The following TPO variants were observed in gnomAD, a reference collection of about 807,000 sequenced individuals.
The protein encoded by TPO is thyroid microsomal antigen.
A neutral mutation model predicts 96.9 loss-of-function variants in TPO; 78 were observed. The observed-to-expected ratio is 0.81, with a 90% CI of 0.67 to 0.97. The LOEUF (loss-of-function observed/expected upper bound fraction) is 0.97, where lower values mean the gene tolerates loss of function less well. TPO is among the 50% of genes least tolerant of loss of function. TPO has a pLI of 0.00. For synonymous variants in TPO, 547 were observed against 538.0 expected (o/e 1.02, Z -0.23); for missense variants, 1,252 against 1,274.8 (o/e 0.98, Z 0.27).
chr2:1,481,910 G>A (rs1670680776), intron 8 of TPO, among the ~76,000 whole-genome samples: 1 of 152,134 alleles, frequency 6.6e-6, no homozygotes, highest in African/African-American at 2.4e-5. Context: ...CCTCAAGGCT[G>A]GACCAAGCCC....
chr2:1,542,769 AT>A lies in TPO; in HGVS notation c.*296del. 1.4e-6 allele frequency: 1 copy of A among 726,216 alleles called. No individual in the cohort carries two copies. The highest frequency in any genetic ancestry group is 2.1e-6 in the Non-Finnish European group (1 of 468,496). 45.0% of individuals were successfully genotyped at this position (726,216 alleles called of 1,614,324 possible). Reference sequence around the variant, plus strand: ...GAACCCTGGAAACACCACTCTTGCAATCCTCCTGTCTCCACCTTCTGGCATC... The same window carrying A: ...GAACCCTGGAAACACCACTCTTGCAACCTCCTGTCTCCACCTTCTGGCATC... On this transcript the variant is annotated 3_prime_UTR_variant, in exon 17 of 17. Transcript: ENST00000329066.
At chr2:1,451,445 A>G (rs755148699) in intron 5 of TPO, among the ~76,000 whole-genome samples, 36 of 152,210 alleles carry the variant, frequency 2.4e-4, no homozygotes, top group Non-Finnish European at 2.4e-4. Flanking sequence ...AAAGTTATTT[A>G]TCTTGTCACG....
chr2:1,442,345 C>A (rs1283596462), intron 5 of TPO, among the ~76,000 whole-genome samples: 1 of 151,954 alleles, frequency 6.6e-6, no homozygotes, highest in Non-Finnish European at 1.5e-5. Context: ...GATCTGTGTG[C>A]CACAACAGCC....
At chr2:1,541,302 C>T (rs1041129694) in intron 16 of TPO, 13 of 549,090 alleles carry the variant, frequency 2.4e-5, no homozygotes, top group South Asian at 1.7e-4. Context: ...GTCTGCTGCA[C>T]GGCATGGGGC....
chr2:1,503,676 CA>C (rs1290175500), intron 13 of TPO: 6 of 641,104 alleles, frequency 9.4e-6, no homozygotes, highest in Admixed American at 2.2e-5. Flanking sequence ...TGATTTCCTC[CA>C]GGAAGTCTCC....
At chr2:1,531,166 C>T (rs1184688623) in intron 15 of TPO, among the ~76,000 whole-genome samples, 5 of 122,300 alleles carry the variant, frequency 4.1e-5, no homozygotes, top group African/African-American at 6.7e-5. Flanking sequence ...CCCCAAATCC[C>T]CCCCACTGTG....
intron 1 of TPO, among the ~76,000 whole-genome samples, chr2:1,394,717 C>T (rs1409447285): frequency 1.3e-5 from 2 of 152,182 alleles, no homozygotes; most frequent in African/African-American, 4.8e-5. Context: ...GAGAGTCCTG[C>T]CTGGTCTAAT....
At chr2:1,466,714 T>A (rs978827899) in intron 7 of TPO, among the ~76,000 whole-genome samples, 23 of 152,202 alleles carry the variant, frequency 1.5e-4, no homozygotes, top group African/African-American at 5.1e-4. Context: ...ATTTCAGTGG[T>A]GTCAGTTGTA....
chr2:1,445,971 G>C (rs1412445428), intron 5 of TPO, among the ~76,000 whole-genome samples: 1 of 152,208 alleles, frequency 6.6e-6, no homozygotes, highest in African/African-American at 2.4e-5. Context: ...TACCATGTTG[G>C]ATAAGTGGCA....
Position 1,480,738 on chromosome 2 carries a change from T to TCTCCTGCTGCATCCGTCCACACCACCTTC in TPO, c.1338+3161_1338+3162insTCCTCCTGCTGCATCCGTCCACACCACCT, listed in dbSNP as rs1558338740. 4.1e-3 allele frequency among the ~76,000 whole-genome samples: 230 copies of TCTCCTGCTGCATCCGTCCACACCACCTTC among 56,330 alleles called. 1 individual carries two copies. The highest frequency in any genetic ancestry group is 7.7e-3 in the Admixed American group (37 of 4,814). 37.0% of individuals were successfully genotyped at this position (56,330 alleles called of 152,430 possible). On this transcript the variant is annotated intron_variant, in intron 8 of 16. Transcript: ENST00000329066. ...CTCCTTCATCCGTCCAAACCATGTT[T>TCTCCTGCTGCATCCGTCCACACCACCTTC]CTCCTGCTGCATCCGTCCACACCAC...
At chr2:1,386,035 C>T (rs559878395) in intron 1 of TPO, among the ~76,000 whole-genome samples, 3 of 152,280 alleles carry the variant, frequency 2.0e-5, no homozygotes, top group Admixed American at 6.5e-5. Flanking sequence ...GAGTGAGTTT[C>T]TTAATCCTGA....
intron 15 of TPO, among the ~76,000 whole-genome samples, chr2:1,528,434 C>A (rs1410110803): frequency 2.1e-5 from 3 of 143,338 alleles, no homozygotes; most frequent in African/African-American, 7.9e-5. Flanking sequence ...CTGCTCAAAT[C>A]CCCCCACTGT....
chr2:1,493,778 C>T (rs1475121575), intron 10 of TPO, 24 bp from the exon 11 acceptor site: 1 of 1,611,968 alleles, frequency 6.2e-7, no homozygotes, highest in Admixed American at 1.7e-5. Flanking sequence ...GTGAGAGAAA[C>T]CCTGCAGCCT....
intron 1 of TPO, among the ~76,000 whole-genome samples, chr2:1,392,195 TGA>T (rs1288314019): frequency 6.6e-6 from 1 of 152,186 alleles, no homozygotes; most frequent in East Asian, 1.9e-4. Context: ...CCCAGTTTAT[TGA>T]GAGTTTTTAG....
intron 15 of TPO, among the ~76,000 whole-genome samples, chr2:1,527,652 C>A (rs1378007035): frequency 1.4e-5 from 2 of 146,680 alleles, no homozygotes; most frequent in African/African-American, 5.2e-5. Flanking sequence ...CCCAAATCCC[C>A]CCCCAATCTG....
intron 16 of TPO, 91 bp from the exon 17 acceptor site, chr2:1,542,330 G>C: frequency 6.5e-7 from 1 of 1,545,488 alleles, no homozygotes; most frequent in South Asian, 1.2e-5. Flanking sequence ...AAGAGCTCCT[G>C]TCCAGGCCCT....
At chr2:1,524,494 ATCC>A (rs1256394009) in intron 15 of TPO, among the ~76,000 whole-genome samples, 1 of 86,286 alleles carries the variant, frequency 1.2e-5, no homozygotes, top group Admixed American at 1.5e-4. Context: ...ACCTCCTCAA[ATCC>A]TCCCACTGTG....
At chr2:1,402,935 T>G (rs902818385) in intron 1 of TPO, among the ~76,000 whole-genome samples, 1 of 152,166 alleles carries the variant, frequency 6.6e-6, no homozygotes, top group Non-Finnish European at 1.5e-5. Context: ...CCACCAGTGG[T>G]GAATGTGTGA....
chr2:1,533,146 C>CAA (rs1678724608), intron 15 of TPO, among the ~76,000 whole-genome samples: 1 of 136,054 alleles, frequency 7.4e-6, no homozygotes, highest in African/African-American at 3.1e-5. Context: ...GCAACGTCCC[C>CAA]AAATCCCCCC....
Sources: gnomAD v4.1 joint callset for allele counts (sites outside exome capture counted in the v4.1 genomes callset) on GRCh38, gnomAD v4.1.1 for gene constraint, MANE v1.5 for transcripts, NCBI Gene and HGNC (gene_info 2026-07-23, HGNC 2026-07-21) for gene names.